Variants in DNM3 observed in about 807,000 individuals in gnomAD.
The protein encoded by DNM3 is dynamin-3.
A neutral mutation model predicts 101.6 loss-of-function variants in DNM3; 47 were observed. The observed-to-expected ratio is 0.46, with a 90% CI of 0.37 to 0.59. The LOEUF (loss-of-function observed/expected upper bound fraction) is 0.59. Among genes scored for constraint, DNM3 ranks in the 20% least tolerant of loss-of-function variants. DNM3 has a pLI of 0.00. For synonymous variants in DNM3, 385 were observed against 387.9 expected (o/e 0.99, Z 0.09); for missense variants, 849 against 1,085.7 (o/e 0.78, Z 3.06).
chr1:171,977,806 T>A (rs2044489676), intron 2 of DNM3, among the ~76,000 whole-genome samples: 1 of 152,232 alleles, frequency 6.6e-6, no homozygotes, highest in South Asian at 2.1e-4. Context: ...TCCTTTTTGG[T>A]TGTCATTTCA....
intron 15 of DNM3, among the ~76,000 whole-genome samples, chr1:172,276,278 A>G (rs994344696): frequency 6.6e-6 from 1 of 151,974 alleles, no homozygotes; most frequent in Admixed American, 6.6e-5. Flanking sequence ...CTACCTGTGA[A>G]TGATGTCATA....
intron 17 of DNM3, among the ~76,000 whole-genome samples, chr1:172,368,658 A>T (rs1175792044): frequency 6.6e-6 from 1 of 151,946 alleles, no homozygotes; most frequent in African/African-American, 2.4e-5. Flanking sequence ...ACAATACAAA[A>T]GATCAAGGGA....
intron 2 of DNM3, among the ~76,000 whole-genome samples, chr1:171,945,149 T>C (rs1349956046): frequency 6.6e-6 from 1 of 152,058 alleles, no homozygotes; most frequent in East Asian, 1.9e-4. Flanking sequence ...GGATCACAGG[T>C]ATGAGCTACT....
intron 14 of DNM3, among the ~76,000 whole-genome samples, chr1:172,170,439 T>A (rs2058913130): frequency 1.3e-5 from 2 of 151,822 alleles, no homozygotes; most frequent in Non-Finnish European, 1.5e-5. Context: ...TTACTAGCTG[T>A]GAAACTTGGG....
chr1:172,194,247 G>T (rs536522860), intron 14 of DNM3, among the ~76,000 whole-genome samples: 1 of 151,854 alleles, frequency 6.6e-6, no homozygotes, highest in Non-Finnish European at 1.5e-5. Context: ...AAAGTCTGTT[G>T]TTTTACATTT....
intron 1 of DNM3, among the ~76,000 whole-genome samples, chr1:171,921,140 T>A (rs1278206153): frequency 6.8e-6 from 1 of 146,300 alleles, no homozygotes; most frequent in African/African-American, 2.5e-5. Flanking sequence ...TAGCGCTGGG[T>A]TTTTGCTATG....
At chr1:172,087,033 T>G (rs114769271) in intron 12 of DNM3, among the ~76,000 whole-genome samples, 106 of 152,236 alleles carry the variant, frequency 7.0e-4, no homozygotes, top group African/African-American at 2.5e-3. Flanking sequence ...TCATCTTCCT[T>G]TCACTTTTCG....
intron 2 of DNM3, among the ~76,000 whole-genome samples, chr1:171,931,244 A>G (rs1456834733): frequency 6.6e-6 from 1 of 152,246 alleles, no homozygotes; most frequent in African/African-American, 2.4e-5. Context: ...AAACTGATCT[A>G]CAAATTCAAT....
intron 15 of DNM3, among the ~76,000 whole-genome samples, chr1:172,271,548 A>G (rs1463457652): frequency 6.6e-6 from 1 of 152,112 alleles, no homozygotes; most frequent in Non-Finnish European, 1.5e-5. Context: ...GAAATCAATG[A>G]TGAAAACCTG....
chr1:171,861,104 C>A (rs1437746252), intron 1 of DNM3, among the ~76,000 whole-genome samples: 2 of 151,960 alleles, frequency 1.3e-5, no homozygotes, highest in African/African-American at 2.4e-5. Context: ...TAAAGAAGAC[C>A]AACTAAAATG....
intron 4 of DNM3, among the ~76,000 whole-genome samples, chr1:171,991,899 A>C (rs1440206209): frequency 6.6e-6 from 1 of 152,230 alleles, no homozygotes; most frequent in Non-Finnish European, 1.5e-5. Flanking sequence ...AGCTTCATGG[A>C]GGACTGCAAA....
rs868205240 is a variant in DNM3 at position 171,950,207 on chromosome 1, A to T, written c.235+28386A>T. On this transcript the variant is annotated intron_variant, in intron 2 of 20. Transcript: ENST00000627582. ...AATGATGCAGCGTGAAAGAAGCCAG[A>T]AAAAAAAGAGTATATATAGTATGAT... 2.4e-4 allele frequency among the ~76,000 whole-genome samples: 37 copies of T among 152,194 alleles called. No homozygotes were observed. The Middle Eastern group carries it at 0.024, about 99-fold the overall frequency.
Position 171,939,887 on chromosome 1 carries a change from A to T in DNM3, c.235+18066A>T, listed in dbSNP as rs2041697796. ...ATGCCCCTGTATTTGCATTTGTTAGATGAGTTGGAGTAGTCTGGAAGGCAT... is the reference window on the plus strand; with the variant it reads ...ATGCCCCTGTATTTGCATTTGTTAGTTGAGTTGGAGTAGTCTGGAAGGCAT... On this transcript the variant is annotated intron_variant, in intron 2 of 20. Coordinates refer to ENST00000627582, the MANE Select transcript of DNM3 (RefSeq NM_015569.5). 2.0e-5 allele frequency among the ~76,000 whole-genome samples: 3 copies of T among 152,204 alleles called. No individual in the cohort carries two copies. In the South Asian group the frequency reaches 6.2e-4, roughly 32 times the overall value.
At chr1:172,068,733 CT>C in intron 10 of DNM3, 85 bp from the exon 11 acceptor site, 1 of 1,195,756 alleles carries the variant, frequency 8.4e-7, no homozygotes, top group Non-Finnish European at 1.2e-6. Flanking sequence ...TGAATATCTT[CT>C]GTAAAATAAC....
At chr1:172,159,185 C>A (rs569746228) in intron 14 of DNM3, among the ~76,000 whole-genome samples, 53 of 151,926 alleles carry the variant, frequency 3.5e-4, no homozygotes, top group African/African-American at 1.3e-3. Context: ...CCAAGCTATG[C>A]AAAAAAGTTA....
intron 14 of DNM3, among the ~76,000 whole-genome samples, chr1:172,219,720 C>T (rs1211510548): frequency 6.6e-6 from 1 of 152,092 alleles, no homozygotes. Context: ...TGATGGAGAG[C>T]ACTCTTCCAT....
chr1:172,408,246 T>G lies in DNM3; in HGVS notation c.*405T>G. On this transcript the variant is annotated 3_prime_UTR_variant, in exon 21 of 21. Transcript: ENST00000627582. Reference sequence around the variant, plus strand: ...AGCCATACATATTTCTTTTCCCACATTCTGTTTAGGATGACAGTAATTCTG... The same window carrying G: ...AGCCATACATATTTCTTTTCCCACAGTCTGTTTAGGATGACAGTAATTCTG... 1 of 1,000,090 alleles carries G rather than the reference T, an allele frequency of 1.0e-6. No individual in the cohort carries two copies. The highest frequency in any genetic ancestry group is 1.2e-6 in the Non-Finnish European group (1 of 838,328). The allele number at this position is 1,000,090 out of a possible 1,614,324, so 62.0% of individuals were successfully genotyped here.
chr1:171,992,415 A>C (rs935871884), intron 4 of DNM3, among the ~76,000 whole-genome samples: 1 of 152,154 alleles, frequency 6.6e-6, no homozygotes, highest in African/African-American at 2.4e-5. Context: ...TTATAGCGTA[A>C]GGAAAATATA....
intron 17 of DNM3, among the ~76,000 whole-genome samples, chr1:172,362,272 A>G (rs1385369788): frequency 5.9e-5 from 9 of 152,006 alleles, no homozygotes. Context: ...TAAAGCCTTA[A>G]CGATAAGAAA....
Sources: gnomAD v4.1 joint callset for allele counts (sites outside exome capture counted in the v4.1 genomes callset) on GRCh38, gnomAD v4.1.1 for gene constraint, MANE v1.5 for transcripts, NCBI Gene and HGNC (gene_info 2026-07-23, HGNC 2026-07-21) for gene names.